Variants in GLIS3 observed in about 807,000 individuals in gnomAD.
The protein encoded by GLIS3 is GLIS family zinc finger 3, also known as zinc finger protein GLIS3.
A neutral mutation model predicts 78.6 loss-of-function variants in GLIS3; 53 were observed. The ratio of observed to expected loss-of-function variants is 0.67; its 90% CI spans 0.54 to 0.85. GLIS3 has a LOEUF of 0.85. Among genes scored for constraint, GLIS3 ranks in the 40% least tolerant of loss-of-function variants. GLIS3 has a pLI of 0.00. For missense variants in GLIS3, 1,703 were observed against 1,231.1 expected (o/e 1.38, Z -5.74); for synonymous variants, 684 against 509.9 (o/e 1.34, Z -4.60).
intron 9 of GLIS3, among the ~76,000 whole-genome samples, chr9:3,839,784 G>A (rs1050281780): frequency 4.6e-5 from 7 of 152,150 alleles, no homozygotes; most frequent in Non-Finnish European, 1.0e-4. Flanking sequence ...CAGGTTGCAG[G>A]CAAAGTTACC....
At chr9:3,844,785 GTCT>G (rs1341899292) in intron 9 of GLIS3, among the ~76,000 whole-genome samples, 1 of 152,132 alleles carries the variant, frequency 6.6e-6, no homozygotes, top group Non-Finnish European at 1.5e-5. Flanking sequence ...TATTAATACT[GTCT>G]TTAAGTGTTC....
At chr9:4,270,038 A>C (rs1054043373) in intron 2 of GLIS3, among the ~76,000 whole-genome samples, 7 of 152,224 alleles carry the variant, frequency 4.6e-5, no homozygotes, top group Non-Finnish European at 1.0e-4. Context: ...GCTCTGCAGT[A>C]AGACAGACGT....
chr9:3,854,520 G>C (rs1183643425), intron 9 of GLIS3, among the ~76,000 whole-genome samples: 2 of 144,656 alleles, frequency 1.4e-5, no homozygotes, highest in East Asian at 4.2e-4. Context: ...CGTCTTTGCT[G>C]TTCAGGCCTT....
chr9:4,275,446 T>TA (rs1333623712), intron 2 of GLIS3, among the ~76,000 whole-genome samples: 21 of 152,156 alleles, frequency 1.4e-4, no homozygotes, highest in African/African-American at 4.6e-4. Context: ...CTATTCAGTG[T>TA]AAAACCACAC....
upstream of GLIS3, among the ~76,000 whole-genome samples, chr9:4,349,899 G>A (rs189107984): frequency 2.0e-5 from 3 of 152,300 alleles, no homozygotes; most frequent in Non-Finnish European, 2.9e-5. Context: ...ACTAGAAATC[G>A]ATGAATCTTC....
the GLIS3 span, among the ~76,000 whole-genome samples, chr9:4,438,646 C>T: frequency 6.6e-6 from 1 of 152,216 alleles, no homozygotes; most frequent in African/African-American, 2.4e-5. Flanking sequence ...TTGTCAAGGG[C>T]AGGGACAGGT....
intron 2 of GLIS3, among the ~76,000 whole-genome samples, chr9:4,261,348 G>C (rs979601612): frequency 6.6e-6 from 1 of 152,156 alleles, no homozygotes; most frequent in Non-Finnish European, 1.5e-5. Flanking sequence ...AAAGAGAAGA[G>C]AAATAGGGAT....
intron 8 of GLIS3, among the ~76,000 whole-genome samples, chr9:3,862,752 C>T (rs1820301411): frequency 6.6e-6 from 1 of 152,054 alleles, no homozygotes; most frequent in Non-Finnish European, 1.5e-5. Context: ...GTTTTTCTTT[C>T]CCTCCGCCCC....
chr9:4,115,054 C>G (rs1484005430), intron 4 of GLIS3, among the ~76,000 whole-genome samples: 2 of 152,196 alleles, frequency 1.3e-5, no homozygotes, highest in African/African-American at 2.4e-5. Flanking sequence ...GTGGCAGCCA[C>G]TTACTGTAAG....
chr9:4,365,565 G>C, the GLIS3 span, among the ~76,000 whole-genome samples: 8 of 144,736 alleles, frequency 5.5e-5, no homozygotes, highest in Middle Eastern at 3.5e-3. Flanking sequence ...CAAAAAAAAA[G>C]AAAAAAGAAA....
At chr9:4,017,430 G>A (rs996751568) in intron 4 of GLIS3, among the ~76,000 whole-genome samples, 2 of 152,160 alleles carry the variant, frequency 1.3e-5, no homozygotes, top group Admixed American at 6.5e-5. Context: ...ATCTGTGGAA[G>A]CTTGCGTGCA....
rs12336363 is a variant in GLIS3 at position 4,270,433 on chromosome 9, G to A, written c.388+15605C>T. Among the ~76,000 whole-genome samples, 1,198 of 152,170 alleles carry A rather than the reference G, an allele frequency of 7.9e-3. 22 individuals carry two copies. The highest frequency in any genetic ancestry group is 0.027 in the African/African-American group (1,140 of 41,502). On this transcript the variant is annotated intron_variant, in intron 2 of 10. Coordinates refer to ENST00000381971, the MANE Select transcript of GLIS3 (RefSeq NM_001042413.2). ...GGCTTAGGTGGGTCCTCTGCTTCAG[G>A]GTCTCCCTAGGATGTAATTGAGTTG... is the stretch of plus-strand genomic sequence containing the variant.
chr9:4,241,055 T>C (rs919434554), intron 2 of GLIS3, among the ~76,000 whole-genome samples: 4 of 152,264 alleles, frequency 2.6e-5, no homozygotes, highest in Admixed American at 6.5e-5. Context: ...AAAATACTGA[T>C]TGCAAATAAA....
the GLIS3 span, among the ~76,000 whole-genome samples, chr9:4,485,797 T>C: frequency 7.9e-5 from 12 of 151,568 alleles, no homozygotes; most frequent in Middle Eastern, 6.8e-3. Context: ...CTCAGCTCAC[T>C]GCGACCTCCG....
the GLIS3 span, among the ~76,000 whole-genome samples, chr9:4,433,622 C>T: frequency 1.3e-5 from 2 of 152,086 alleles, no homozygotes; most frequent in African/African-American, 4.8e-5. Flanking sequence ...ACTATGAAGT[C>T]AGAAATATGT....
chr9:4,242,599 T>C (rs1823421789), intron 2 of GLIS3, among the ~76,000 whole-genome samples: 1 of 152,150 alleles, frequency 6.6e-6, no homozygotes, highest in African/African-American at 2.4e-5. Flanking sequence ...GTTCTAAGAT[T>C]TAAAAGGTAA....
chr9:3,843,182 T>A (rs1818824694), intron 9 of GLIS3, among the ~76,000 whole-genome samples: 1 of 152,194 alleles, frequency 6.6e-6, no homozygotes, highest in Non-Finnish European at 1.5e-5. Context: ...AACTCCCACA[T>A]TACATCCGCT....
At chr9:4,385,881 G>A in the GLIS3 span, among the ~76,000 whole-genome samples, 1 of 152,056 alleles carries the variant, frequency 6.6e-6, no homozygotes, top group African/African-American at 2.4e-5. Flanking sequence ...CCCCAACCCT[G>A]AGCCAATCCC....
chr9:4,126,219 T>C (rs1419887162), intron 2 of GLIS3, among the ~76,000 whole-genome samples: 1 of 152,208 alleles, frequency 6.6e-6, no homozygotes, highest in Non-Finnish European at 1.5e-5. Context: ...TCATATTTTA[T>C]AATATCCTTA....
Sources: allele counts gnomAD v4.1 joint callset (sites outside exome capture counted in the v4.1 genomes callset), GRCh38; gene constraint gnomAD v4.1.1; transcripts MANE v1.5; gene names NCBI Gene and HGNC (gene_info 2026-07-23, HGNC 2026-07-21).